Variants in ANPEP observed in about 807,000 individuals in gnomAD.
ANPEP encodes alanyl aminopeptidase, membrane.
Under a neutral mutation model 114.6 loss-of-function variants are expected in ANPEP, and 70 were observed. That is an observed-to-expected ratio of 0.61 (90% CI 0.50 to 0.75). The LOEUF is 0.75. Ranked by LOEUF, ANPEP falls within the 30% of genes least tolerant of loss-of-function variation. ANPEP has a pLI of 0.00. For synonymous variants in ANPEP, 548 were observed against 522.3 expected, an observed-to-expected ratio of 1.05 and a Z score of -0.67; for missense variants, 1,184 against 1,259.5, an observed-to-expected ratio of 0.94 and a Z score of 0.91.
At chr15:89,800,621 G>A (rs1894569061) in intron 12 of ANPEP, among the ~76,000 whole-genome samples, 1 of 148,660 alleles carries the variant, frequency 6.7e-6, no homozygotes, top group Non-Finnish European at 1.5e-5. Context: ...GAGTGCAATG[G>A]TGCGATCTTG....
At position 89,801,512 on chromosome 15, in the gene ANPEP, A is replaced by G; in HGVS notation, c.1665T>C (p.Asp555=). The G allele has an allele frequency of 6.2e-7, 1 of 1,614,186 alleles. No homozygotes were observed. Among genetic ancestry groups the G allele is most frequent in the Non-Finnish European group, 8.5e-7 (1 of 1,180,022 alleles). The change falls in exon 11 of 21, where the codon GAT becomes GAC. Residue 555 remains aspartate (D), a synonymous_variant. Transcript: ENST00000300060. ...CCTGGGAAAGGGTCCCCGTGCTGGT[A>G]TCCACCGTGATGACCGGGAAGCCCA... ...LQMGFPVITV[D]TSTGTLSQEH...
chr15:89,788,656 G>C (rs370474429), intron 20 of ANPEP, among the ~76,000 whole-genome samples: 1 of 152,026 alleles, frequency 6.6e-6, no homozygotes. Context: ...GCTGGAATGC[G>C]GTGGCACCAC....
chr15:89,785,287 C>A lies in ANPEP; in HGVS notation c.*62G>T. The A allele has an allele frequency of 6.3e-7, 1 of 1,599,774 alleles. No individual in the cohort carries two copies. The highest frequency in any genetic ancestry group is 1.7e-5 in the Admixed American group (1 of 59,464). On this transcript the variant is annotated 3_prime_UTR_variant, in exon 21 of 21. Transcript: ENST00000300060. ...TCCAGGAATGGAGGCCCTGCACCAG[C>A]CGCTGGGATGGACACATGTGGGCAC...
At position 89,814,786 on chromosome 15, in the gene ANPEP, G is replaced by GCTGGAAC. The variant is rs1399236408; in HGVS notation, c.-245_-239dup. ...GCCCCACTTGCCTGGGCCGCCGGGC[G>GCTGGAAC]CTGGAACCTGGACCCTGGACCCTGG... is the stretch of plus-strand genomic sequence containing the variant. On this transcript the variant is annotated 5_prime_UTR_variant, in exon 1 of 21. Transcript: ENST00000300060. The GCTGGAAC allele has an allele frequency of 6.6e-6, 1 of 150,572 alleles. No individual in the cohort carries two copies. Among genetic ancestry groups the GCTGGAAC allele is most frequent in the Non-Finnish European group, 1.5e-5 (1 of 67,900 alleles). The allele number at this position is 150,572 out of a possible 1,614,324, so 9.3% of individuals were successfully genotyped here. A position where few individuals can be genotyped will look rare whatever the true frequency, so the allele number is the denominator to read the frequency against.
rs1968643305 is a variant in ANPEP at position 89,792,264 on chromosome 15, C to T, written c.2424G>A (p.Glu808=). ...CNAIAQGGEE[E]WDFAWEQFRN... ...GGAACTGCTCCCAGGCGAAGTCCCA[C>T]TCCTCCTCCCCGCCCTGGGCGATAG... Residue 808 remains glutamate, a synonymous_variant, in exon 18 of 21, where the codon GAG becomes GAA. Coordinates refer to ENST00000300060, the MANE Select transcript of ANPEP (RefSeq NM_001150.3). 6.2e-7 allele frequency: 1 copy of T among 1,614,126 alleles called. No homozygotes were observed. The highest frequency in any genetic ancestry group is 1.7e-5 in the Admixed American group (1 of 60,012).
intron 1 of ANPEP, among the ~76,000 whole-genome samples, chr15:89,812,521 C>T (rs1006527097): frequency 1.3e-5 from 2 of 152,164 alleles, no homozygotes; most frequent in African/African-American, 2.4e-5. Context: ...TGCCTCTCAT[C>T]AGCCTCTTCA....
At position 89,790,937 on chromosome 15, in the gene ANPEP, C is replaced by T. The variant is rs767981424; in HGVS notation, c.2669+16G>A. On this transcript the variant is annotated intron_variant, in intron 19 of 20. Transcript: ENST00000300060. Reference sequence around the variant, plus strand: ...CTCGGCGCTCGCTGTCCCTGACACCCATTCCACAGACTCACTCGTTAAAAA... The same window carrying T: ...CTCGGCGCTCGCTGTCCCTGACACCTATTCCACAGACTCACTCGTTAAAAA... The T allele has an allele frequency of 2.6e-5, 42 of 1,612,926 alleles. No homozygotes were observed. The highest frequency in any genetic ancestry group is 3.5e-5 in the Non-Finnish European group (41 of 1,179,398).
chr15:89,785,462 C>G lies in ANPEP; in HGVS notation c.2791G>C (p.Gly931Arg). 6.2e-7 allele frequency: 1 copy of G among 1,614,074 alleles called. No individual in the cohort carries two copies. The highest frequency in any genetic ancestry group is 8.5e-7 in the Non-Finnish European group (1 of 1,179,934). The change falls in exon 21 of 21, where the codon GGC becomes CGC. Residue 931 changes from glycine to arginine, a missense_variant. Transcript: ENST00000300060. ...TGCTCCAGGGCCCGGGTGCCTGAGC[C>G]GAAGCCTGTTTCCTCGTTGTCCTTC... Reference protein sequence around the residue: ...FKKDNEETGFGSGTRALEQAL... With the variant: ...FKKDNEETGFRSGTRALEQAL...
intron 10 of ANPEP, among the ~76,000 whole-genome samples, chr15:89,802,201 G>C (rs1596167263): frequency 6.6e-6 from 1 of 152,184 alleles, no homozygotes; most frequent in Non-Finnish European, 1.5e-5. Flanking sequence ...AAGAGCATGT[G>C]GGGAGGAACC....
chr15:89,793,012 A>G, intron 16 of ANPEP, 23 bp downstream of exon 16: 1 of 1,606,116 alleles, frequency 6.2e-7, no homozygotes, highest in Non-Finnish European at 8.5e-7. Flanking sequence ...AGGACTTCCA[A>G]ACCCATGAGA....
At chr15:89,800,067 C>T (rs1348959803) in intron 12 of ANPEP, among the ~76,000 whole-genome samples, 1 of 152,140 alleles carries the variant, frequency 6.6e-6, no homozygotes, top group Non-Finnish European at 1.5e-5. Context: ...CAATAGGTTG[C>T]TCATTTCCCA....
chr15:89,808,410 T>C (rs1156689179), intron 1 of ANPEP, among the ~76,000 whole-genome samples: 1 of 152,224 alleles, frequency 6.6e-6, no homozygotes, highest in Non-Finnish European at 1.5e-5. Context: ...ATAACTTGAG[T>C]CCTGGACTGC....
At chr15:89,797,867 C>T in intron 14 of ANPEP, 145 bp from the exon 15 acceptor site, 1 of 1,144,768 alleles carries the variant, frequency 8.7e-7, no homozygotes, top group Non-Finnish European at 1.2e-6. Flanking sequence ...AGATTCCCAA[C>T]TGAGCCAGCT....
Position 89,803,691 on chromosome 15 carries a change from G to GA in ANPEP, c.1392_1393insT (p.Pro465SerfsTer6). 1.2e-6 allele frequency: 2 copies of GA among 1,613,360 alleles called. No individual in the cohort carries two copies. The highest frequency in any genetic ancestry group is 1.7e-6 in the Non-Finnish European group (2 of 1,179,680). ...TCAAACAGCTCACTGATCTGGGCCG[G>GA]CGTGTTGATCTCCGAGGCGGGTGTG... is the stretch of plus-strand genomic sequence containing the variant. On this transcript the variant is annotated frameshift_variant, in exon 8 of 21. Transcript: ENST00000300060. LOFTEE classifies it high-confidence loss of function. The surrounding 1 kb of genome is among the most constrained non-coding windows in gnomAD (Gnocchi z 4.2).
intron 1 of ANPEP, among the ~76,000 whole-genome samples, chr15:89,813,998 G>GGGGGC (rs1555442964): frequency 6.7e-6 from 1 of 149,068 alleles, no homozygotes; most frequent in Non-Finnish European, 1.5e-5. Context: ...TGCTGGGGGG[G>GGGGGC]GGGGGTGCGT....
chr15:89,803,366 T>C lies in ANPEP; in HGVS notation c.1504-62A>G. The C allele has an allele frequency of 6.2e-7, 1 of 1,613,132 alleles. No homozygotes were observed. The highest frequency in any genetic ancestry group is 8.5e-7 in the Non-Finnish European group (1 of 1,179,146). On this transcript the variant is annotated intron_variant, in intron 9 of 20. Transcript: ENST00000300060. The surrounding 1 kb of genome is among the most constrained non-coding windows in gnomAD (Gnocchi z 4.2). ...AGCCCCCCAGGCTCCCCCTCTGTGG[T>C]GGGCAGAGGCCCGGGTCAAGGGCGA...
In ANPEP at chr15:89,807,519, C is replaced by T. The variant is rs776375080; in HGVS notation, c.-223-713G>A. ...TTCAAGACCAGCCTGGCCAACATGG[C>T]GAAACCCCGTCTCTACTAAAAATAC... On this transcript the variant is annotated intron_variant, in intron 1 of 20. Transcript: ENST00000300060. Among the ~76,000 whole-genome samples the T allele has an allele frequency of 7.9e-5, 12 of 152,094 alleles. No homozygotes were observed. In the South Asian group the frequency reaches 8.3e-4, roughly 11 times the overall value.
At chr15:89,788,978 T>C (rs897141917) in intron 20 of ANPEP, among the ~76,000 whole-genome samples, 12 of 151,734 alleles carry the variant, frequency 7.9e-5, no homozygotes, top group Non-Finnish European at 1.5e-4. Context: ...CCATGAATTA[T>C]ATATCAATTT....
At chr15:89,792,605 C>T (rs2141792633) in intron 16 of ANPEP, 43 bp from the exon 17 acceptor site, 4 of 1,557,392 alleles carry the variant, frequency 2.6e-6, no homozygotes, top group Non-Finnish European at 3.5e-6. Context: ...TGGCGAACTC[C>T]AGCCAAGATT....
Sources: allele counts gnomAD v4.1 joint callset (sites outside exome capture counted in the v4.1 genomes callset), GRCh38; gene constraint gnomAD v4.1.1; non-coding constraint Gnocchi (gnomAD v3.1); transcripts MANE v1.5; gene names NCBI Gene and HGNC (gene_info 2026-07-23, HGNC 2026-07-21).